The following CDH17 variants were observed in gnomAD, a reference collection of about 807,000 sequenced individuals.
The protein encoded by CDH17 is cadherin 17, also known as cadherin-17.
CDH17 carries 67 observed loss-of-function variants against 86.3 expected under a neutral mutation model. The ratio of observed to expected loss-of-function variants is 0.78; its 90% CI spans 0.64 to 0.95. The LOEUF (loss-of-function observed/expected upper bound fraction) is 0.95. Ranked by LOEUF, CDH17 falls within the 40% of genes least tolerant of loss-of-function variation. The probability of loss-of-function intolerance (pLI) is 0.00; values close to 1 mark genes in which losing one functional copy is unlikely to be tolerated. For synonymous variants in CDH17, 367 were observed against 366.4 expected, an observed-to-expected ratio of 1.00 and a Z score of -0.02; for missense variants, 993 against 1,017.6, an observed-to-expected ratio of 0.98 and a Z score of 0.33.
At position 94,127,881 on chromosome 8, in the gene CDH17, G is replaced by A. The variant is rs1211459468; in HGVS notation, c.*359C>T. On this transcript the variant is annotated 3_prime_UTR_variant, in exon 18 of 18. Coordinates refer to ENST00000027335, the MANE Select transcript of CDH17 (RefSeq NM_004063.4). ...GACCAAGGCAGGCAGATCACTTGAC[G>A]TCAGGAGTTCAAGACCAGCCTGGCC... 1.4e-5 allele frequency: 3 copies of A among 212,460 alleles called. No homozygotes were observed. The highest frequency in any genetic ancestry group is 1.3e-4 in the East Asian group (1 of 7,666). 13.2% of individuals were successfully genotyped at this position (212,460 alleles called of 1,614,324 possible).
chr8:94,205,934 T>C (rs62523277), intron 1 of CDH17, among the ~76,000 whole-genome samples: 63,797 of 152,020 alleles, frequency 0.42, 14,558 homozygotes, highest in Middle Eastern at 0.54. Flanking sequence ...GAACTCATCT[T>C]TAGCTTAGAT....
intron 1 of CDH17, among the ~76,000 whole-genome samples, chr8:94,205,143 C>CA (rs1814000671): frequency 6.6e-6 from 1 of 152,098 alleles, no homozygotes; most frequent in Non-Finnish European, 1.5e-5. Context: ...TATATACCCG[C>CA]AAAAACCCTA....
intron 4 of CDH17, among the ~76,000 whole-genome samples, chr8:94,177,072 G>A (rs1813387889): frequency 6.6e-6 from 1 of 152,186 alleles, no homozygotes. Context: ...TTTTTCCATA[G>A]TAGGCTCTCT....
chr8:94,179,073 G>T (rs1225044760), intron 3 of CDH17, among the ~76,000 whole-genome samples: 1 of 147,848 alleles, frequency 6.8e-6, no homozygotes, highest in Non-Finnish European at 1.5e-5. Flanking sequence ...ACTAAGGTTT[G>T]TGGTGTTTTA....
At chr8:94,189,682 C>T (rs1383008690) in intron 2 of CDH17, among the ~76,000 whole-genome samples, 1 of 152,172 alleles carries the variant, frequency 6.6e-6, no homozygotes, top group African/African-American at 2.4e-5. Context: ...CTTCATAAAA[C>T]ACCTCCCTCC....
intron 3 of CDH17, among the ~76,000 whole-genome samples, chr8:94,178,241 A>G (rs1367840447): frequency 6.6e-6 from 1 of 152,206 alleles, no homozygotes; most frequent in Non-Finnish European, 1.5e-5. Flanking sequence ...TGGCTATATC[A>G]CTTTTAAGAC....
chr8:94,174,325 T>C (rs1328621434), intron 5 of CDH17, 65 bp from the exon 6 acceptor site: 3 of 1,467,874 alleles, frequency 2.0e-6, no homozygotes, highest in African/African-American at 1.4e-5. Context: ...AAACCAACCA[T>C]AGCTACTTTT....
At chr8:94,215,861 AG>A (rs1304190910) in intron 1 of CDH17, among the ~76,000 whole-genome samples, 1 of 127,884 alleles carries the variant, frequency 7.8e-6, no homozygotes, top group Non-Finnish European at 1.7e-5. Flanking sequence ...TAAGTATACG[AG>A]GTTTTTTTTT....
At chr8:94,166,535 C>T (rs1813161290) in intron 9 of CDH17, among the ~76,000 whole-genome samples, 1 of 152,164 alleles carries the variant, frequency 6.6e-6, no homozygotes, top group Non-Finnish European at 1.5e-5. Context: ...CAGAGGGTTA[C>T]AACCTCAACA....
intron 1 of CDH17, among the ~76,000 whole-genome samples, chr8:94,201,592 C>T (rs766404782): frequency 6.6e-6 from 1 of 152,194 alleles, no homozygotes; most frequent in Admixed American, 6.5e-5. Context: ...CCCTACTGCC[C>T]TCTTGATTTT....
intron 9 of CDH17, among the ~76,000 whole-genome samples, chr8:94,167,820 C>A (rs1437802057): frequency 3.9e-5 from 6 of 151,906 alleles, no homozygotes; most frequent in African/African-American, 1.5e-4. Context: ...GAGCAGAGGA[C>A]CTTGTGGATC....
At chr8:94,192,980 T>C (rs1391050798) in intron 2 of CDH17, among the ~76,000 whole-genome samples, 1 of 152,202 alleles carries the variant, frequency 6.6e-6, no homozygotes, top group African/African-American at 2.4e-5. Context: ...CCAGTCTTCA[T>C]AGAAGAGGCC....
intron 1 of CDH17, chr8:94,202,361 A>G (rs2005489): frequency 0.74 from 112,284 of 152,348 alleles, 42,284 homozygotes; most frequent in African/African-American, 0.85. Context: ...ATGGAGACGG[A>G]GGTTTCGCCA....
chr8:94,157,873 G>A (rs988446248), intron 12 of CDH17, among the ~76,000 whole-genome samples: 4 of 152,164 alleles, frequency 2.6e-5, no homozygotes, highest in African/African-American at 9.7e-5. Context: ...CTATGACTGC[G>A]GCACTGCATC....
chr8:94,181,139 C>T (rs1046772786), intron 3 of CDH17, among the ~76,000 whole-genome samples: 2 of 151,848 alleles, frequency 1.3e-5, no homozygotes, highest in Admixed American at 1.3e-4. Flanking sequence ...ATCAAGAAAC[C>T]ATAGCAATTA....
At chr8:94,215,551 AT>A (rs1354324193) in intron 1 of CDH17, among the ~76,000 whole-genome samples, 2 of 152,160 alleles carry the variant, frequency 1.3e-5, no homozygotes, top group Non-Finnish European at 2.9e-5. Context: ...AGTGATGAAC[AT>A]TTTCTAAGTT....
intron 15 of CDH17, among the ~76,000 whole-genome samples, chr8:94,134,406 T>C (rs1812481030): frequency 6.6e-6 from 1 of 152,196 alleles, no homozygotes; most frequent in South Asian, 2.1e-4. Context: ...GTCCAGGAAT[T>C]TATCCATTTC....
At chr8:94,176,206 T>G (rs1426609951) in intron 5 of CDH17, among the ~76,000 whole-genome samples, 2 of 152,140 alleles carry the variant, frequency 1.3e-5, no homozygotes, top group Non-Finnish European at 2.9e-5. Context: ...CAGAGGATAT[T>G]TGGCAATGCC....
chr8:94,128,450 G>T, intron 17 of CDH17, 110 bp from the exon 18 acceptor site: 1 of 688,844 alleles, frequency 1.5e-6, no homozygotes. Context: ...CTTCATTTTT[G>T]TATGTGATTC....
Sources: gnomAD v4.1 joint callset for allele counts (sites outside exome capture counted in the v4.1 genomes callset) on GRCh38, gnomAD v4.1.1 for gene constraint, MANE v1.5 for transcripts, NCBI Gene and HGNC (gene_info 2026-07-23, HGNC 2026-07-21) for gene names.